MAFK: variants seen among roughly 807,000 people sequenced by gnomAD.
The protein encoded by MAFK is MAF bZIP transcription factor K.
MAFK carries 1 observed loss-of-function variant against 9.2 expected under a neutral mutation model. That is an observed-to-expected ratio of 0.11 (90% CI 0.04 to 0.52). MAFK has a LOEUF of 0.52. Among genes scored for constraint, MAFK ranks in the 20% least tolerant of loss-of-function variants. The pLI, the probability that MAFK is intolerant of heterozygous loss-of-function variation, is 0.94. For missense variants in MAFK, 207 were observed against 236.0 expected (o/e 0.88, Z 0.81); for synonymous variants, 110 against 107.4 (o/e 1.02, Z -0.15).
At chr7:1,531,122 G>A (rs1438167498) in intron 1 of MAFK, among the ~76,000 whole-genome samples, 1 of 148,884 alleles carries the variant, frequency 6.7e-6, no homozygotes, top group Middle Eastern at 3.4e-3. Flanking sequence ...CCCGGGACGC[G>A]AGGCTCTCTC....
intron 1 of MAFK, 119 bp downstream of exon 1, chr7:1,531,017 G>A (rs1232011403): frequency 2.0e-5 from 3 of 146,820 alleles, no homozygotes; most frequent in Non-Finnish European, 4.6e-5. Flanking sequence ...GAGGGTGGCG[G>A]GGTTGGGTGC....
Position 1,539,950 on chromosome 7 carries a change from G to A in MAFK, c.46G>A (p.Glu16Lys), listed in dbSNP as rs1384639345. Residue 16 changes from glutamate to lysine, a missense_variant, in exon 3 of 3, where the codon GAG becomes AAG. Physicochemically the swap from Glu to Lys is moderately conservative, Grantham distance 56. Coordinates refer to ENST00000343242, the MANE Select transcript of MAFK (RefSeq NM_002360.4). ...KPNKALKVKKEAGENAPVLSD... is the reference protein window; with the variant it reads ...KPNKALKVKKKAGENAPVLSD... ...CACTGTGGCCCCCCAGGTCAAGAAG[G>A]AGGCGGGCGAGAACGCCCCGGTGCT... 5.9e-6 allele frequency: 9 copies of A among 1,529,806 alleles called. No individual in the cohort carries two copies. Among genetic ancestry groups the A allele is most frequent in the South Asian group, 1.2e-5 (1 of 82,084 alleles). 94.8% of individuals were successfully genotyped at this position (1,529,806 alleles called of 1,614,324 possible).
At chr7:1,533,459 T>G (rs1562543099) in intron 1 of MAFK, among the ~76,000 whole-genome samples, 1 of 151,732 alleles carries the variant, frequency 6.6e-6, no homozygotes. Context: ...CAGTGGGGAG[T>G]GTTTCTGGAA....
At position 1,532,046 on chromosome 7, in the gene MAFK, C is replaced by T. The variant is rs562028780; in HGVS notation, c.-45+1148C>T. ...CTTGGGAAGATCCTGAGACTCAAAACGCCCCCCACCGCCCCCCATCGTGGT... is the reference window on the plus strand; with the variant it reads ...CTTGGGAAGATCCTGAGACTCAAAATGCCCCCCACCGCCCCCCATCGTGGT... On this transcript the variant is annotated intron_variant, in intron 1 of 2. Coordinates refer to ENST00000343242, the MANE Select transcript of MAFK (RefSeq NM_002360.4). This position sits in a 1 kb window ranked among gnomAD's most constrained non-coding sequence, Gnocchi z 4.5. Among the ~76,000 whole-genome samples the T allele has an allele frequency of 1.3e-5, 2 of 152,354 alleles. No homozygotes were observed. Among genetic ancestry groups the T allele is most frequent in the African/African-American group, 4.8e-5 (2 of 41,584 alleles).
intron 1 of MAFK, among the ~76,000 whole-genome samples, chr7:1,536,327 G>A (rs1784028030): frequency 6.6e-6 from 1 of 152,210 alleles, no homozygotes; most frequent in Admixed American, 6.5e-5. Flanking sequence ...GCTGCTGGGC[G>A]TAAGACACAA....
chr7:1,540,860 C>A lies in MAFK; in HGVS notation c.*485C>A. ...GAGCCCCTCACTGCCCTGACCGACTCCGCAGTCCCCGGGGAGGAGCATGGA... is the reference window on the plus strand; with the variant it reads ...GAGCCCCTCACTGCCCTGACCGACTACGCAGTCCCCGGGGAGGAGCATGGA... On this transcript the variant is annotated 3_prime_UTR_variant, in exon 3 of 3. Transcript: ENST00000343242. 6.1e-6 allele frequency: 1 copy of A among 164,188 alleles called. No homozygotes were observed. Among genetic ancestry groups the A allele is most frequent in the Non-Finnish European group, 1.3e-5 (1 of 76,046 alleles). The allele number at this position is 164,188 out of a possible 1,614,324, so 10.2% of individuals were successfully genotyped here. A position where few individuals can be genotyped will look rare whatever the true frequency, so the allele number is the denominator to read the frequency against.
At chr7:1,531,718 TG>T (rs1212562264) in intron 1 of MAFK, among the ~76,000 whole-genome samples, 13 of 146,810 alleles carry the variant, frequency 8.9e-5, no homozygotes, top group African/African-American at 3.3e-4. Context: ...CTCTAGATCC[TG>T]GGGGGTGGGA....
At position 1,539,152 on chromosome 7, in the gene MAFK, C is replaced by T; in HGVS notation, c.-41C>T. 2 of 1,612,140 alleles carry T rather than the reference C, an allele frequency of 1.2e-6. No individual in the cohort carries two copies. The highest frequency in any genetic ancestry group is 1.7e-6 in the Non-Finnish European group (2 of 1,179,192). On this transcript the variant is annotated 5_prime_UTR_variant, in exon 2 of 3. It adds an upstream start codon to the 5' untranslated region. Coordinates refer to ENST00000343242, the MANE Select transcript of MAFK (RefSeq NM_002360.4). ...TCTGCTTGTCCATGTTTTCCAGCTA[C>T]GAGTTCCAGGGAGCTCTGTCCTGGT...
rs1371980117 is a variant in MAFK, at chr7:1,542,222, A to C, written c.*1847A>C. 6.6e-6 allele frequency: 1 copy of C among 152,554 alleles called. No individual in the cohort carries two copies. Among genetic ancestry groups the C allele is most frequent in the Non-Finnish European group, 1.5e-5 (1 of 68,044 alleles). The allele number at this position is 152,554 out of a possible 1,614,324, so 9.5% of individuals were successfully genotyped here. On this transcript the variant is annotated 3_prime_UTR_variant, in exon 3 of 3. Coordinates refer to ENST00000343242, the MANE Select transcript of MAFK (RefSeq NM_002360.4). ...GACCAGGGGGATATTTAAAGAGAGA[A>C]ACAGAAAATATATAGAGATATAAAA...
At chr7:1,531,858 G>A (rs1294272037) in intron 1 of MAFK, among the ~76,000 whole-genome samples, 2 of 152,188 alleles carry the variant, frequency 1.3e-5, no homozygotes, top group African/African-American at 2.4e-5. Flanking sequence ...GTCCGTGTTC[G>A]CGGGGCCTCC....
At position 1,542,206 on chromosome 7, in the gene MAFK, G is replaced by A. The variant is rs966881315; in HGVS notation, c.*1831G>A. 5.2e-5 allele frequency: 8 copies of A among 152,518 alleles called. No homozygotes were observed. The highest frequency in any genetic ancestry group is 1.2e-4 in the African/African-American group (5 of 41,466). The allele number at this position is 152,518 out of a possible 1,614,324, so 9.4% of individuals were successfully genotyped here. A position where few individuals can be genotyped will look rare whatever the true frequency, so the allele number is the denominator to read the frequency against. On this transcript the variant is annotated 3_prime_UTR_variant, in exon 3 of 3. Coordinates refer to ENST00000343242, the MANE Select transcript of MAFK (RefSeq NM_002360.4). ...TATTGGATGTCATAAGGACCAGGGG[G>A]ATATTTAAAGAGAGAAACAGAAAAT...
intron 1 of MAFK, among the ~76,000 whole-genome samples, chr7:1,533,785 G>A (rs931359323): frequency 1.3e-5 from 2 of 152,056 alleles, no homozygotes; most frequent in South Asian, 2.1e-4. Context: ...TGAATGATGC[G>A]GTTGGGGGCT....
chr7:1,540,409 G>T lies in MAFK; in HGVS notation c.*34G>T. ...GGGGGCGGGGGGTGGCGGGCGGCGG[G>T]CGGCGGGCAGGCGGGTGGGGGCACA... On this transcript the variant is annotated 3_prime_UTR_variant, in exon 3 of 3. Transcript: ENST00000343242. The T allele has an allele frequency of 1.5e-6, 2 of 1,346,624 alleles. No individual in the cohort carries two copies. Among genetic ancestry groups the T allele is most frequent in the Non-Finnish European group, 1.0e-6 (1 of 1,002,806 alleles). The allele number at this position is 1,346,624 out of a possible 1,614,324, so 83.4% of individuals were successfully genotyped here. A position where few individuals can be genotyped will look rare whatever the true frequency, so the allele number is the denominator to read the frequency against.
chr7:1,534,991 C>T lies in MAFK; in HGVS notation c.-45+4093C>T, dbSNP rs922530501. ...GTGTGATCACAGCTCACTGCAATCT[C>T]GACTTCGAGGCTCAAGCAATCCTCC... On this transcript the variant is annotated intron_variant, in intron 1 of 2. Coordinates refer to ENST00000343242, the MANE Select transcript of MAFK (RefSeq NM_002360.4). The surrounding 1 kb of genome is among the most constrained non-coding windows in gnomAD (Gnocchi z 4.3). Among the ~76,000 whole-genome samples the T allele has an allele frequency of 3.3e-5, 5 of 151,890 alleles. No individual in the cohort carries two copies. The highest frequency in any genetic ancestry group is 9.7e-5 in the African/African-American group (4 of 41,386).
At chr7:1,538,357 C>T (rs909235892) in intron 1 of MAFK, 10 of 984,872 alleles carry the variant, frequency 1.0e-5, no homozygotes, top group East Asian at 1.1e-4. Flanking sequence ...CCGGACCTGC[C>T]GCCCCTCAGG....
chr7:1,535,324 G>GC (rs1784001984), intron 1 of MAFK, among the ~76,000 whole-genome samples: 1 of 152,132 alleles, frequency 6.6e-6, no homozygotes, highest in Non-Finnish European at 1.5e-5. Flanking sequence ...GCAGGGTCAG[G>GC]CCCATGGGTG....
intron 1 of MAFK, among the ~76,000 whole-genome samples, chr7:1,536,914 C>T (rs541397474): frequency 3.3e-5 from 5 of 152,314 alleles, no homozygotes; most frequent in African/African-American, 4.8e-5. Flanking sequence ...GGCAGGCTTG[C>T]GAGCACAGCG....
rs1784139553 is a variant in MAFK, at chr7:1,540,084, G to A, written c.180G>A (p.Lys60=). The change falls in exon 3 of 3, where the codon AAG becomes AAA. Residue 60 remains lysine, a synonymous_variant. Coordinates refer to ENST00000343242, the MANE Select transcript of MAFK (RefSeq NM_002360.4). The part of the protein sequence containing the change: ...TRLKQRRRTL[K]NRGYAASCRI... ...TGAAGCAGCGTCGGCGCACACTCAA[G>A]AACCGCGGCTACGCGGCCAGCTGCC... 1.3e-6 allele frequency: 2 copies of A among 1,565,774 alleles called. No individual in the cohort carries two copies. The highest frequency in any genetic ancestry group is 1.9e-5 in the Admixed American group (1 of 52,614).
At chr7:1,536,245 C>G (rs1784026016) in intron 1 of MAFK, among the ~76,000 whole-genome samples, 1 of 152,178 alleles carries the variant, frequency 6.6e-6, no homozygotes, top group Non-Finnish European at 1.5e-5. Flanking sequence ...CTGCACTTCT[C>G]TGGTGACCAC....
Sources: gnomAD v4.1 joint callset for allele counts (sites outside exome capture counted in the v4.1 genomes callset) on GRCh38, gnomAD v4.1.1 for gene constraint, Gnocchi (gnomAD v3.1) non-coding constraint, MANE v1.5 for transcripts, NCBI Gene and HGNC (gene_info 2026-07-23, HGNC 2026-07-21) for gene names.